C16orf96: variants seen among roughly 807,000 people sequenced by gnomAD.
C16orf96 encodes uncharacterized protein C16orf96.
Under a neutral mutation model 103.6 loss-of-function variants are expected in C16orf96, and 108 were observed. The ratio of observed to expected loss-of-function variants is 1.04; its 90% confidence interval spans 0.89 to 1.22. C16orf96 has a LOEUF of 1.22. C16orf96 is among the 50% of genes most tolerant of loss of function. The pLI, the probability that C16orf96 is intolerant of heterozygous loss-of-function variation, is 0.00. For synonymous variants in C16orf96, 566 were observed against 593.5 expected (o/e 0.95, Z 0.67); for missense variants, 1,586 against 1,464.2 (o/e 1.08, Z -1.36).
chr16:4,549,471 T>TG, the C16orf96 span, among the ~76,000 whole-genome samples: 15 of 96,636 alleles, frequency 1.6e-4, no homozygotes, highest in African/African-American at 6.0e-4. Flanking sequence ...AGACTCTGTC[T>TG]AAAAAAAAAA....
the C16orf96 span, among the ~76,000 whole-genome samples, chr16:4,547,672 GCTTC>G: frequency 1.8e-3 from 193 of 105,708 alleles, 3 homozygotes; most frequent in African/African-American, 7.1e-3. Flanking sequence ...TTCCTTCCTT[GCTTC>G]CTTCCTTCCT....
chr16:4,586,744 G>A (rs1322106128), intron 7 of C16orf96, among the ~76,000 whole-genome samples: 3 of 152,166 alleles, frequency 2.0e-5, no homozygotes, highest in Non-Finnish European at 4.4e-5. Context: ...TCCAGGGAGC[G>A]AAATCGTCCA....
At chr16:4,572,387 C>T (rs370787110) in intron 2 of C16orf96, among the ~76,000 whole-genome samples, 139,180 of 146,966 alleles carry the variant, frequency 0.95, 66,381 homozygotes, top group East Asian at 1. Flanking sequence ...GCAACCTCCA[C>T]CTCCCGGGTT....
intron 2 of C16orf96, among the ~76,000 whole-genome samples, chr16:4,573,810 G>A (rs1025375664): frequency 1.3e-5 from 2 of 151,486 alleles, no homozygotes; most frequent in African/African-American, 4.8e-5. Flanking sequence ...CCTGTCTCTT[G>A]GAGGTGTTTT....
chr16:4,579,941 C>A, intron 6 of C16orf96, 74 bp from the exon 7 acceptor site: 1 of 1,289,678 alleles, frequency 7.8e-7, no homozygotes, highest in Non-Finnish European at 1.1e-6. Flanking sequence ...GGCCTCAACC[C>A]TCCCTCAGGC....
At chr16:4,563,589 G>A (rs551565421) in intron 1 of C16orf96, among the ~76,000 whole-genome samples, 7 of 151,528 alleles carry the variant, frequency 4.6e-5, no homozygotes, top group African/African-American at 1.7e-4. Context: ...TTTGTTTTGA[G>A]ACGGAGTCTC....
intron 1 of C16orf96, among the ~76,000 whole-genome samples, chr16:4,562,418 C>T (rs2059342114): frequency 6.9e-6 from 1 of 145,050 alleles, no homozygotes; most frequent in African/African-American, 2.6e-5. Context: ...CTGCAGTGAG[C>T]TATTATTAAT....
chr16:4,591,518 CA>C, intron 9 of C16orf96, 147 bp from the exon 10 acceptor site: 1 of 661,504 alleles, frequency 1.5e-6, no homozygotes, highest in East Asian at 2.8e-5. Flanking sequence ...GAAGCTGTGT[CA>C]TTTTCCCTTT....
chr16:4,594,417 T>C lies in C16orf96; in HGVS notation c.2934T>C (p.Asp978=), dbSNP rs1897125595. The C allele has an allele frequency of 6.4e-7, 1 of 1,551,388 alleles. No individual in the cohort carries two copies. ...IQEDCQQDWG[D]GPQNATSLKC... ...AGGATTGTCAGCAGGACTGGGGTGA[T>C]GGCCCCCAAAACGCCACCAGCCTCA... The change falls in exon 13 of 16, where the codon GAT becomes GAC. Residue 978 remains aspartate (D), a synonymous_variant. Coordinates refer to ENST00000444310, the MANE Select transcript of C16orf96 (RefSeq NM_001145011.2).
chr16:4,560,847 G>A (rs905006562), intron 1 of C16orf96: 1 of 151,864 alleles, frequency 6.6e-6, no homozygotes, highest in Non-Finnish European at 1.5e-5. Flanking sequence ...TACGTTAAAA[G>A]TAAAATGATA....
At chr16:4,544,207 C>T in the C16orf96 span, among the ~76,000 whole-genome samples, 1 of 152,158 alleles carries the variant, frequency 6.6e-6, no homozygotes, top group African/African-American at 2.4e-5. Context: ...CTCTGGAGCC[C>T]ACTGAGTAGC....
intron 1 of C16orf96, chr16:4,562,785 C>T: frequency 9.0e-7 from 1 of 1,116,204 alleles, no homozygotes; most frequent in South Asian, 1.3e-5. Flanking sequence ...TAGAACAGTA[C>T]AGGTTTTATT....
Position 4,576,167 on chromosome 16 carries a change from C to T in C16orf96, c.1687C>T (p.Arg563Trp), listed in dbSNP as rs1441034213. The change falls in exon 5 of 16, where the codon CGG (arginine) becomes TGG (tryptophan). Residue 563 changes from arginine to tryptophan, a missense_variant. Arg to Trp is a moderately radical substitution (Grantham distance 101). Transcript: ENST00000444310. The stretch of plus-strand genomic sequence containing the variant: ...TAAGGCTCCCCAGTCTGCCCTTCAC[C>T]GGCTGAAAACCACCGCTGCCATCGC... The part of the protein sequence containing the change: ...QPKAPQSALH[R>W]LKTTAAIAAA... The T allele has an allele frequency of 1.4e-5, 21 of 1,550,910 alleles. No homozygotes were observed. The highest frequency in any genetic ancestry group is 3.9e-5 in the Admixed American group (2 of 50,984).
chr16:4,588,339 C>T lies in C16orf96; in HGVS notation c.2592+8C>T, dbSNP rs947752410. 6.5e-7 allele frequency: 1 copy of T among 1,543,150 alleles called. No individual in the cohort carries two copies. The highest frequency in any genetic ancestry group is 8.8e-7 in the Non-Finnish European group (1 of 1,140,396). Reference sequence around the variant, plus strand: ...AAGGACGTGAACACCAAGGTGAATGCCCCCATGTTGATTTTCACTTTATTC... The same window carrying T: ...AAGGACGTGAACACCAAGGTGAATGTCCCCATGTTGATTTTCACTTTATTC... On this transcript the variant is annotated splice_region_variant and intron_variant, in intron 9 of 15. Coordinates refer to ENST00000444310, the MANE Select transcript of C16orf96 (RefSeq NM_001145011.2).
the C16orf96 span, among the ~76,000 whole-genome samples, chr16:4,539,653 C>G: frequency 6.6e-6 from 1 of 152,054 alleles, no homozygotes; most frequent in South Asian, 2.1e-4. Flanking sequence ...CCTCTGCACT[C>G]CAGCCTGAGC....
At chr16:4,570,906 G>A (rs1294375418) in intron 1 of C16orf96, among the ~76,000 whole-genome samples, 1 of 152,136 alleles carries the variant, frequency 6.6e-6, no homozygotes, top group Non-Finnish European at 1.5e-5. Context: ...TGTAAATACA[G>A]ACCGGGTGCT....
intron 1 of C16orf96, among the ~76,000 whole-genome samples, chr16:4,563,765 C>T (rs1455014529): frequency 2.7e-5 from 4 of 149,858 alleles, no homozygotes; most frequent in African/African-American, 9.8e-5. Flanking sequence ...GACGGGGTTT[C>T]ACCATGTTGG....
chr16:4,599,374 T>C lies in C16orf96; in HGVS notation c.3208+10T>C. 6.5e-7 allele frequency: 1 copy of C among 1,549,772 alleles called. No individual in the cohort carries two copies. Among genetic ancestry groups the C allele is most frequent in the Non-Finnish European group, 8.7e-7 (1 of 1,145,242 alleles). ...GGCGCCATCTGCCCCCGTGAGTACCTGGTTCCCAGCCCCAGCCCAGCTGTG... is the reference window on the plus strand; with the variant it reads ...GGCGCCATCTGCCCCCGTGAGTACCCGGTTCCCAGCCCCAGCCCAGCTGTG... On this transcript the variant is annotated intron_variant, in intron 15 of 15. Coordinates refer to ENST00000444310, the MANE Select transcript of C16orf96 (RefSeq NM_001145011.2).
At chr16:4,565,583 G>C (rs1484962700) in intron 1 of C16orf96, among the ~76,000 whole-genome samples, 3 of 152,222 alleles carry the variant, frequency 2.0e-5, no homozygotes, top group African/African-American at 7.2e-5. Context: ...CCACCTCCTG[G>C]GTTCAAGTGA....
Sources: allele counts gnomAD v4.1 joint callset (sites outside exome capture counted in the v4.1 genomes callset), GRCh38; gene constraint gnomAD v4.1.1; transcripts MANE v1.5; gene names NCBI Gene and HGNC (gene_info 2026-07-23, HGNC 2026-07-21).